Variants in SPON1 observed in about 807,000 individuals in gnomAD.
SPON1 encodes spondin 1, also known as spondin-1.
In SPON1, 52 loss-of-function variants were observed where a neutral mutation model predicts 111.7. The ratio of observed to expected loss-of-function variants is 0.47; its 90% CI spans 0.37 to 0.59. The LOEUF (loss-of-function observed/expected upper bound fraction) is 0.59, where lower values mean the gene tolerates loss of function less well. SPON1 is among the 20% of genes least tolerant of loss of function. The pLI is 0.00. For missense variants in SPON1, 957 were observed against 1,068.5 expected (o/e 0.90, Z 1.46); for synonymous variants, 410 against 395.8 (o/e 1.04, Z -0.43).
intron 6 of SPON1, among the ~76,000 whole-genome samples, chr11:14,170,060 G>A (rs2133881075): frequency 6.6e-6 from 1 of 152,202 alleles, no homozygotes; most frequent in East Asian, 1.9e-4. Flanking sequence ...GATGGGGATG[G>A]CATTGAATCT....
intron 6 of SPON1, among the ~76,000 whole-genome samples, chr11:14,154,223 T>A (rs1055161917): frequency 3.9e-5 from 6 of 152,208 alleles, no homozygotes; most frequent in African/African-American, 1.4e-4. Flanking sequence ...GTGTGGGGGC[T>A]CCAACCCCAC....
At chr11:14,010,314 A>G (rs138504090) in intron 2 of SPON1, among the ~76,000 whole-genome samples, 5 of 152,218 alleles carry the variant, frequency 3.3e-5, no homozygotes, top group African/African-American at 7.2e-5. Context: ...GATGGGCCAT[A>G]TAAGAGGATT....
At chr11:14,262,195 A>G (rs1361977360) in intron 14 of SPON1, among the ~76,000 whole-genome samples, 2 of 152,156 alleles carry the variant, frequency 1.3e-5, no homozygotes, top group South Asian at 2.1e-4. Context: ...CCATATATAG[A>G]ACACAGGATG....
rs1242281266 is a variant in SPON1, at chr11:14,160,571, TTA to T, written c.825+25013_825+25014del. Among the ~76,000 whole-genome samples the T allele has an allele frequency of 1.3e-3, 33 of 26,054 alleles. 3 individuals are homozygous for T. The highest frequency in any genetic ancestry group is 2.7e-3 in the African/African-American group (17 of 6,410). 17.1% of individuals were successfully genotyped at this position (26,054 alleles called of 152,430 possible). ...TTTATATATATATTTATATATATATTTATATATATATTTACATATATATATTT... is the reference window on the plus strand; with the variant it reads ...TTTATATATATATTTATATATATATTTATATATATTTACATATATATATTT... On this transcript the variant is annotated intron_variant, in intron 6 of 15. Coordinates refer to ENST00000576479, the MANE Select transcript of SPON1 (RefSeq NM_006108.4).
chr11:14,142,807 T>C (rs1554928906), intron 6 of SPON1, among the ~76,000 whole-genome samples: 1 of 152,182 alleles, frequency 6.6e-6, no homozygotes, highest in African/African-American at 2.4e-5. Flanking sequence ...GGAAACTTTA[T>C]TGTAGAAAGA....
intron 2 of SPON1, among the ~76,000 whole-genome samples, chr11:13,987,038 C>T (rs1273854123): frequency 1.3e-5 from 2 of 152,112 alleles, no homozygotes; most frequent in South Asian, 2.1e-4. Flanking sequence ...GTGTATGTGT[C>T]CTTATAGTAT....
chr11:14,158,248 G>C (rs1473203830), intron 6 of SPON1, among the ~76,000 whole-genome samples: 2 of 152,024 alleles, frequency 1.3e-5, no homozygotes, highest in Non-Finnish European at 2.9e-5. Context: ...TAGCTCTTCA[G>C]GGTTCCTCAC....
At chr11:14,019,428 TTATA>T (rs1234436939) in intron 2 of SPON1, among the ~76,000 whole-genome samples, 5 of 150,642 alleles carry the variant, frequency 3.3e-5, no homozygotes, top group African/African-American at 1.2e-4. Flanking sequence ...TTGTATATGA[TTATA>T]TATATAATTT....
intron 7 of SPON1, among the ~76,000 whole-genome samples, chr11:14,248,015 T>C (rs1192254873): frequency 1.3e-5 from 2 of 152,146 alleles, no homozygotes; most frequent in African/African-American, 4.8e-5. Context: ...GAATCTTGCC[T>C]GCAAAGGACA....
intron 1 of SPON1, among the ~76,000 whole-genome samples, chr11:13,966,071 A>G (rs1381412001): frequency 6.6e-6 from 1 of 152,190 alleles, no homozygotes; most frequent in African/African-American, 2.4e-5. Flanking sequence ...AAAAGACTGA[A>G]ACATGGAGTT....
At chr11:14,198,574 T>TAC (rs530323496) in intron 6 of SPON1, among the ~76,000 whole-genome samples, 1 of 152,368 alleles carries the variant, frequency 6.6e-6, no homozygotes, top group South Asian at 2.1e-4. Context: ...CAGGTCTCCA[T>TAC]ACACACTGCT....
At chr11:14,005,249 C>T (rs1272915309) in intron 2 of SPON1, among the ~76,000 whole-genome samples, 1 of 152,182 alleles carries the variant, frequency 6.6e-6, no homozygotes, top group Admixed American at 6.5e-5. Flanking sequence ...CCTGTGTCCT[C>T]TGGGATGGTT....
At chr11:14,160,597 TTA>T (rs1158557020) in intron 6 of SPON1, among the ~76,000 whole-genome samples, 1 of 24,020 alleles carries the variant, frequency 4.2e-5, no homozygotes, top group Non-Finnish European at 6.9e-5. Context: ...ATATATATAT[TTA>T]TATATATTTA....
rs992102524 is a variant in SPON1 at position 14,193,181 on chromosome 11, G to A, written c.826-50151G>A. Among the ~76,000 whole-genome samples the A allele has an allele frequency of 9.9e-5, 15 of 152,174 alleles. 1 individual carries two copies. The highest frequency in any genetic ancestry group is 2.1e-4 in the Non-Finnish European group (14 of 68,030). On this transcript the variant is annotated intron_variant, in intron 6 of 15. Coordinates refer to ENST00000576479, the MANE Select transcript of SPON1 (RefSeq NM_006108.4). ...TATTTCAATGGTGCCAAGGCCACAC[G>A]CATGGAGGAAAAGCAGTGTCAGCAG...
chr11:14,100,349 C>A (rs1248443810), intron 5 of SPON1, among the ~76,000 whole-genome samples: 2 of 152,018 alleles, frequency 1.3e-5, no homozygotes, highest in African/African-American at 2.4e-5. Context: ...ATTTTTCTGC[C>A]ATGTTATTAT....
At chr11:14,176,234 A>C (rs904792746) in intron 6 of SPON1, among the ~76,000 whole-genome samples, 9 of 152,134 alleles carry the variant, frequency 5.9e-5, no homozygotes, top group Non-Finnish European at 1.3e-4. Context: ...CACATATGCA[A>C]ACACACACAA....
intron 5 of SPON1, among the ~76,000 whole-genome samples, chr11:14,104,203 C>G (rs751176396): frequency 6.6e-6 from 1 of 151,852 alleles, no homozygotes; most frequent in Non-Finnish European, 1.5e-5. Flanking sequence ...CAGTTGGAAG[C>G]ATTTTTTTCG....
intron 3 of SPON1, among the ~76,000 whole-genome samples, chr11:14,056,713 C>A (rs575803038): frequency 1.5e-3 from 224 of 152,152 alleles, no homozygotes; most frequent in Middle Eastern, 3.4e-3. Flanking sequence ...CACGGTGAAA[C>A]CCCGTCTCTA....
intron 4 of SPON1, among the ~76,000 whole-genome samples, chr11:14,077,558 G>A (rs1186824402): frequency 4.6e-5 from 7 of 151,782 alleles, no homozygotes; most frequent in Admixed American, 3.3e-4. Context: ...TCAGCCTCCC[G>A]AGTAGTTGGG....
Sources: allele counts gnomAD v4.1 joint callset (sites outside exome capture counted in the v4.1 genomes callset), GRCh38; gene constraint gnomAD v4.1.1; transcripts MANE v1.5; gene names NCBI Gene and HGNC (gene_info 2026-07-23, HGNC 2026-07-21).